Variants in OTOGL observed in about 807,000 individuals in gnomAD.
OTOGL encodes the protein otogelin like.
OTOGL carries 285 observed loss-of-function variants against 318.5 expected under a neutral mutation model. The observed-to-expected ratio is 0.89, with a 90% CI of 0.81 to 0.99. The LOEUF (loss-of-function observed/expected upper bound fraction) is 0.99, where lower values mean the gene tolerates loss of function less well. Among genes scored for constraint, OTOGL ranks in the 50% least tolerant of loss-of-function variants. The pLI, the probability that OTOGL is intolerant of heterozygous loss-of-function variation, is 0.00. For synonymous variants in OTOGL, 987 were observed against 936.5 expected, an observed-to-expected ratio of 1.05 and a Z score of -0.99; for missense variants, 2,899 against 2,845.6, an observed-to-expected ratio of 1.02 and a Z score of -0.43.
chr12:80,365,671 A>G (rs192782829), intron 52 of OTOGL, among the ~76,000 whole-genome samples: 92 of 152,270 alleles, frequency 6.0e-4, no homozygotes, highest in African/African-American at 2.2e-3. Context: ...TCTAATGACT[A>G]AAGTCCTGAA....
intron 1 of OTOGL, among the ~76,000 whole-genome samples, chr12:80,167,920 T>C (rs1873930262): frequency 6.6e-6 from 1 of 151,996 alleles, no homozygotes; most frequent in Non-Finnish European, 1.5e-5. Flanking sequence ...TTTTCTTTTC[T>C]CTTCTTTTCT....
Position 80,305,663 on chromosome 12 carries a change from C to G in OTOGL, c.3301C>G (p.Arg1101Gly), listed in dbSNP as rs368655429. The G allele has an allele frequency of 6.3e-7, 1 of 1,575,406 alleles. No homozygotes were observed. The highest frequency in any genetic ancestry group is 8.5e-7 in the Non-Finnish European group (1 of 1,170,682). Residue 1101 changes from arginine (R) to glycine (G), a missense_variant, in exon 29 of 59, where the codon CGG becomes GGG. Physicochemically the swap from Arg to Gly is moderately radical, Grantham distance 125. This residue lies in a region of OTOGL where 2,607 missense variants were observed against 2,524.9 expected (regional missense o/e 1.03). Coordinates refer to ENST00000547103, the MANE Select transcript of OTOGL (RefSeq NM_001378609.3). The part of the protein sequence containing the change: ...TSNNLEVRNA[R>G]VFGDSWALGQ... ...TAATAACTTGGAAGTGAGAAATGCT[C>G]GGGTATTTGGAGATAGTTGGGCATT...
chr12:80,302,513 A>G (rs1885827970), intron 27 of OTOGL, 121 bp from the exon 28 acceptor site: 1 of 605,584 alleles, frequency 1.7e-6, no homozygotes, highest in African/African-American at 1.9e-5. Flanking sequence ...CAGAAAAGGC[A>G]TGACCATGCA....
At chr12:80,376,852 G>C (rs1175657457) in intron 57 of OTOGL, among the ~76,000 whole-genome samples, 1 of 151,982 alleles carries the variant, frequency 6.6e-6, no homozygotes, top group African/African-American at 2.4e-5. Context: ...GAATATTTCT[G>C]ATTTCTGATT....
At chr12:80,375,125 G>C (rs1201461871) in intron 57 of OTOGL, among the ~76,000 whole-genome samples, 1 of 152,140 alleles carries the variant, frequency 6.6e-6, no homozygotes, top group Non-Finnish European at 1.5e-5. Context: ...TGGCATATTA[G>C]AAAACCCTTT....
chr12:80,227,065 G>A (rs1878925051), intron 7 of OTOGL, among the ~76,000 whole-genome samples: 1 of 151,952 alleles, frequency 6.6e-6, no homozygotes, highest in African/African-American at 2.4e-5. Flanking sequence ...GCACTTGATG[G>A]GCTTTTATAT....
At chr12:80,141,705 C>T (rs545760695) in intron 1 of OTOGL, among the ~76,000 whole-genome samples, 2 of 152,280 alleles carry the variant, frequency 1.3e-5, no homozygotes, top group South Asian at 2.1e-4. Context: ...AATAAAGAAT[C>T]AGCCACCATT....
At chr12:80,176,680 T>C (rs1307957379) in intron 1 of OTOGL, among the ~76,000 whole-genome samples, 1 of 152,178 alleles carries the variant, frequency 6.6e-6, no homozygotes, top group Non-Finnish European at 1.5e-5. Flanking sequence ...TTTCTGGCTA[T>C]TACAGTAAAT....
At chr12:80,319,575 C>A (rs976640671) in intron 33 of OTOGL, among the ~76,000 whole-genome samples, 13 of 152,004 alleles carry the variant, frequency 8.6e-5, no homozygotes, top group Non-Finnish European at 1.5e-5. Context: ...TTCTTGGCAT[C>A]TTTTGGTGCT....
intron 44 of OTOGL, among the ~76,000 whole-genome samples, chr12:80,351,036 T>G (rs763894016): frequency 4.6e-5 from 7 of 152,212 alleles, no homozygotes; most frequent in Non-Finnish European, 1.0e-4. Flanking sequence ...TAGTTTCAGG[T>G]CCTACAGTTA....
intron 32 of OTOGL, among the ~76,000 whole-genome samples, chr12:80,316,622 G>A (rs776395836): frequency 2.6e-5 from 4 of 152,076 alleles, no homozygotes; most frequent in Non-Finnish European, 5.9e-5. Flanking sequence ...ACACTGTTTG[G>A]CTCCATGGAG....
chr12:80,338,907 A>G (rs1318235210), intron 42 of OTOGL, among the ~76,000 whole-genome samples, 168 bp from the exon 43 acceptor site: 1 of 152,066 alleles, frequency 6.6e-6, no homozygotes, highest in Non-Finnish European at 1.5e-5. Flanking sequence ...CAAAGGAACA[A>G]TAAAATAGCT....
At chr12:80,226,355 C>A (rs755491825) in intron 7 of OTOGL, among the ~76,000 whole-genome samples, 4 of 151,994 alleles carry the variant, frequency 2.6e-5, no homozygotes, top group Non-Finnish European at 4.4e-5. Context: ...TCTGTCTCTA[C>A]TTGTATATTT....
intron 11 of OTOGL, among the ~76,000 whole-genome samples, chr12:80,251,057 T>G (rs2137496943): frequency 6.6e-6 from 1 of 152,346 alleles, no homozygotes; most frequent in African/African-American, 2.4e-5. Context: ...TAAATGCCAT[T>G]TATTCAATCT....
intron 1 of OTOGL, among the ~76,000 whole-genome samples, chr12:80,164,003 A>G (rs1190509518): frequency 1.3e-5 from 2 of 152,148 alleles, no homozygotes; most frequent in East Asian, 3.9e-4. Flanking sequence ...AAATGATGAA[A>G]GATGGGGACT....
At chr12:80,336,679 T>A in intron 40 of OTOGL, 118 bp from the exon 41 acceptor site, 1 of 1,407,478 alleles carries the variant, frequency 7.1e-7, no homozygotes, top group African/African-American at 1.4e-5. Flanking sequence ...CTTCTGATAA[T>A]GTTTCAGAAA....
intron 33 of OTOGL, among the ~76,000 whole-genome samples, chr12:80,319,529 G>A (rs562893150): frequency 7.4e-4 from 112 of 152,098 alleles, no homozygotes; most frequent in African/African-American, 2.4e-3. Flanking sequence ...TCTAAATTAC[G>A]CTGGTTACAT....
At position 80,380,527 on chromosome 12, in the gene OTOGL, C is replaced by T. The variant is rs1240514184; in HGVS notation, c.*2479C>T. 1 of 151,884 alleles carries T rather than the reference C, an allele frequency of 6.6e-6. No individual in the cohort carries two copies. Among genetic ancestry groups the T allele is most frequent in the Non-Finnish European group, 1.5e-5 (1 of 67,892 alleles). The allele number at this position is 151,884 out of a possible 1,614,324, so 9.4% of individuals were successfully genotyped here. On this transcript the variant is annotated 3_prime_UTR_variant, in exon 59 of 59. Transcript: ENST00000547103. ...TCCTTTAACAAAAAAGATAACTGAGCACACTTCTAGCTAATAAAAAATATT... is the reference window on the plus strand; with the variant it reads ...TCCTTTAACAAAAAAGATAACTGAGTACACTTCTAGCTAATAAAAAATATT...
rs144176460 is a variant in OTOGL at position 80,233,072 on chromosome 12, A to G, written c.792A>G (p.Gln264=). Residue 264 remains glutamine (Q), a synonymous_variant, in exon 9 of 59, where the codon CAA becomes CAG. Transcript: ENST00000547103. ...CGLCGNYNDI[Q]SDDFIILQED... The stretch of plus-strand genomic sequence containing the variant: ...TATGTGGAAACTACAATGACATTCA[A>G]TCTGATGATTTCATAATTCTGCAAG... 8.1e-5 allele frequency: 130 copies of G among 1,595,870 alleles called. No individual in the cohort carries two copies. The African/African-American group carries it at 1.3e-3, about 17-fold the overall frequency.
Sources: allele counts gnomAD v4.1 joint callset (sites outside exome capture counted in the v4.1 genomes callset), GRCh38; gene constraint gnomAD v4.1.1; regional missense constraint gnomAD v4.1.1; transcripts MANE v1.5; gene names NCBI Gene and HGNC (gene_info 2026-07-23, HGNC 2026-07-21).